The following IPO8 variants were observed in gnomAD, a reference collection of about 807,000 sequenced individuals.
IPO8 encodes the protein importin-8.
IPO8 carries 65 observed loss-of-function variants against 141.2 expected under a neutral mutation model. The ratio of observed to expected loss-of-function variants is 0.46; its 90% CI spans 0.38 to 0.57. The LOEUF is 0.57. IPO8 is among the 20% of genes least tolerant of loss of function. IPO8 has a pLI of 0.00. For missense variants in IPO8, 980 were observed against 1,246.8 expected (o/e 0.79, Z 3.22); for synonymous variants, 411 against 420.3 (o/e 0.98, Z 0.27).
rs1364274079 is a variant in IPO8, at chr12:30,662,315, G to T, written c.1755+12C>A. The T allele has an allele frequency of 2.5e-6, 4 of 1,604,282 alleles. No homozygotes were observed. The East Asian group carries it at 8.9e-5, about 36-fold the overall frequency. ...TTCTAAACCAAATTAACATAAAACT[G>T]CCCGGTCTTACCAAGTGTTGGGTCA... On this transcript the variant is annotated intron_variant, in intron 15 of 24. Coordinates refer to ENST00000256079, the MANE Select transcript of IPO8 (RefSeq NM_006390.4).
At position 30,684,335 on chromosome 12, in the gene IPO8, C is replaced by CAAA; in HGVS notation, c.288_289insTTT (p.Ile96_Val97insPhe). ...TCTGGAGACCGAATTATTCCTTCCA[C>CAAA]AATGTTATCACGTATTTGCTGGCGA... On this transcript the variant is annotated inframe_insertion, in exon 3 of 25. Transcript: ENST00000256079. 6.2e-7 allele frequency: 1 copy of CAAA among 1,614,118 alleles called. No individual in the cohort carries two copies. The highest frequency in any genetic ancestry group is 8.5e-7 in the Non-Finnish European group (1 of 1,179,996).
At chr12:30,681,395 G>A (rs1401007086) in intron 4 of IPO8, among the ~76,000 whole-genome samples, 2 of 152,196 alleles carry the variant, frequency 1.3e-5, no homozygotes, top group Admixed American at 1.3e-4. Context: ...AAGGAAAGCT[G>A]TTAATAAATG....
chr12:30,681,851 G>A (rs2053192443), intron 3 of IPO8, 34 bp from the exon 4 acceptor site: 1 of 1,560,160 alleles, frequency 6.4e-7, no homozygotes, highest in South Asian at 1.2e-5. Context: ...CAAAATCTAA[G>A]TAATTATAAA....
intron 8 of IPO8, among the ~76,000 whole-genome samples, chr12:30,672,493 C>A (rs914473983): frequency 3.9e-5 from 6 of 152,100 alleles, no homozygotes; most frequent in African/African-American, 1.4e-4. Context: ...GATAAGAAAA[C>A]CATTTTTAAG....
chr12:30,631,703 C>T, intron 24 of IPO8, 192 bp downstream of exon 24: 1 of 496,120 alleles, frequency 2.0e-6, no homozygotes, highest in Non-Finnish European at 3.6e-6. Context: ...TATTAATGTG[C>T]AGGTTTTTGC....
chr12:30,671,545 G>A (rs2053049937), intron 8 of IPO8, among the ~76,000 whole-genome samples: 2 of 151,616 alleles, frequency 1.3e-5, no homozygotes, highest in Admixed American at 1.3e-4. Flanking sequence ...GTGGTGGCGG[G>A]TGCCTGTAGT....
At position 30,656,671 on chromosome 12, in the gene IPO8, C is replaced by A; in HGVS notation, c.1948+13G>T. The stretch of plus-strand genomic sequence containing the variant: ...TTTTTCAATTTATCTTTTTATTTAA[C>A]CTTTGAACTTACCAATTACATGTTT... On this transcript the variant is annotated intron_variant, in intron 17 of 24. Transcript: ENST00000256079. 1.3e-6 allele frequency: 2 copies of A among 1,499,120 alleles called. No individual in the cohort carries two copies. The highest frequency in any genetic ancestry group is 2.5e-5 in the South Asian group (2 of 79,792). 92.9% of individuals were successfully genotyped at this position (1,499,120 alleles called of 1,614,324 possible). A position where few individuals can be genotyped will look rare whatever the true frequency, so the allele number is the denominator to read the frequency against.
At position 30,661,206 on chromosome 12, in the gene IPO8, C is replaced by CT; in HGVS notation, c.1815dup (p.Val606SerfsTer11). 3 of 1,595,428 alleles carry CT rather than the reference C, an allele frequency of 1.9e-6. No individual in the cohort carries two copies. The highest frequency in any genetic ancestry group is 1.7e-6 in the Non-Finnish European group (2 of 1,170,830). ...GTATGTAAAATTCCCATAGCCATTA[C>CT]TGTTTTGTCTTCAACTTCTTCATAT... On this transcript the variant is annotated frameshift_variant, in exon 16 of 25. Transcript: ENST00000256079. LOFTEE classifies it high-confidence loss of function.
rs555859697 is a variant in IPO8, at chr12:30,644,660, T to G, written c.2268+4477A>C. Among the ~76,000 whole-genome samples, 23 of 151,354 alleles carry G rather than the reference T, an allele frequency of 1.5e-4. No individual in the cohort carries two copies. In the East Asian group the frequency reaches 3.7e-3, roughly 24 times the overall value. On this transcript the variant is annotated intron_variant, in intron 20 of 24. Coordinates refer to ENST00000256079, the MANE Select transcript of IPO8 (RefSeq NM_006390.4). ...TTGGTGTTTTTTTTTTTTGTTTTTT[T>G]TTTTTTTTGGAGACAGAGGAATTTT...
rs925316362 is a variant in IPO8, at chr12:30,663,729, C to T, written c.1429-75G>A. 3.2e-5 allele frequency: 36 copies of T among 1,126,212 alleles called. No homozygotes were observed. The African/African-American group carries it at 5.2e-4, about 16-fold the overall frequency. 69.8% of individuals were successfully genotyped at this position (1,126,212 alleles called of 1,614,324 possible). On this transcript the variant is annotated intron_variant, in intron 13 of 24. Transcript: ENST00000256079. Reference sequence around the variant, plus strand: ...TGTAATAATATCACAGATATAAGAACTTCTTAGTAAAATATCAATTCTATG... The same window carrying T: ...TGTAATAATATCACAGATATAAGAATTTCTTAGTAAAATATCAATTCTATG...
intron 4 of IPO8, among the ~76,000 whole-genome samples, chr12:30,680,877 G>A (rs184032245): frequency 3.3e-4 from 50 of 152,084 alleles, no homozygotes; most frequent in African/African-American, 1.2e-3. Context: ...AAAACAACCC[G>A]AGACCATTTT....
Position 30,661,282 on chromosome 12 carries a change from TA to T in IPO8, c.1756-17del, listed in dbSNP as rs779165518. On this transcript the variant is annotated splice_polypyrimidine_tract_variant and intron_variant, in intron 15 of 24. Coordinates refer to ENST00000256079, the MANE Select transcript of IPO8 (RefSeq NM_006390.4). ...ATATCTCAGCCTATGAAAATAACAT[TA>T]AAGTATTCCGCAATTAGTAGTACTG... The T allele has an allele frequency of 7.2e-5, 113 of 1,571,338 alleles. No homozygotes were observed. The highest frequency in any genetic ancestry group is 8.6e-5 in the Non-Finnish European group (100 of 1,162,892).
At chr12:30,692,679 C>CT (rs2053302203) in intron 1 of IPO8, among the ~76,000 whole-genome samples, 1 of 152,184 alleles carries the variant, frequency 6.6e-6, no homozygotes, top group South Asian at 2.1e-4. Flanking sequence ...ATTAACCTTT[C>CT]TAGTCCTCCA....
At chr12:30,682,801 G>T (rs547318632) in intron 3 of IPO8, among the ~76,000 whole-genome samples, 1 of 152,066 alleles carries the variant, frequency 6.6e-6, no homozygotes, top group East Asian at 1.9e-4. Flanking sequence ...TAAACAAAAT[G>T]ATGCCTTTTC....
chr12:30,682,607 G>A (rs117261883), intron 3 of IPO8, among the ~76,000 whole-genome samples: 1 of 151,872 alleles, frequency 6.6e-6, no homozygotes, highest in Non-Finnish European at 1.5e-5. Context: ...AGAAAATAGG[G>A]GGAAAAATTT....
chr12:30,661,388 G>C, intron 15 of IPO8, 122 bp from the exon 16 acceptor site: 1 of 749,528 alleles, frequency 1.3e-6, no homozygotes, highest in Non-Finnish European at 2.0e-6. Flanking sequence ...TTTGAAGTCT[G>C]CACTTTGCTG....
Position 30,695,695 on chromosome 12 carries a change from C to T in IPO8, c.-48G>A, listed in dbSNP as rs375790987. 9.7e-5 allele frequency: 150 copies of T among 1,551,912 alleles called. No individual in the cohort carries two copies. Among genetic ancestry groups the T allele is most frequent in the Non-Finnish European group, 1.3e-4 (144 of 1,128,158 alleles). ...GCCCCCGGAACAGTAGGCCGGACTG[C>T]AGCTTTAGTTTTCTTTTGACCCTCT... On this transcript the variant is annotated 5_prime_UTR_variant, in exon 1 of 25. Coordinates refer to ENST00000256079, the MANE Select transcript of IPO8 (RefSeq NM_006390.4). This position sits in a 1 kb window ranked among gnomAD's most constrained non-coding sequence, Gnocchi z 4.2.
At chr12:30,687,510 G>A (rs1446131041) in intron 2 of IPO8, among the ~76,000 whole-genome samples, 2 of 151,832 alleles carry the variant, frequency 1.3e-5, no homozygotes, top group Non-Finnish European at 2.9e-5. Flanking sequence ...TTATCTCGGT[G>A]GGCAGAATGT....
intron 10 of IPO8, among the ~76,000 whole-genome samples, 173 bp from the exon 11 acceptor site, chr12:30,666,424 C>T (rs1293274239): frequency 6.6e-6 from 1 of 152,138 alleles, no homozygotes; most frequent in African/African-American, 2.4e-5. Flanking sequence ...ATTGCTGTCT[C>T]CTGCACAAAA....
Sources: allele counts gnomAD v4.1 joint callset (sites outside exome capture counted in the v4.1 genomes callset), GRCh38; gene constraint gnomAD v4.1.1; non-coding constraint Gnocchi (gnomAD v3.1); transcripts MANE v1.5; gene names NCBI Gene and HGNC (gene_info 2026-07-23, HGNC 2026-07-21).